The following SFXN3 variants were observed in gnomAD, a reference collection of about 807,000 sequenced individuals.
The protein encoded by SFXN3 is sideroflexin 3, also known as sideroflexin-3.
In SFXN3, 31 loss-of-function variants were observed where a neutral mutation model predicts 40.4. The observed-to-expected ratio is 0.77, with a 90% confidence interval of 0.58 to 1.04. The LOEUF (loss-of-function observed/expected upper bound fraction) is 1.04, where lower values mean the gene tolerates loss of function less well. SFXN3 is among the 50% of genes least tolerant of loss of function. The pLI is 0.00. For synonymous variants in SFXN3, 157 were observed against 160.0 expected (o/e 0.98, Z 0.14); for missense variants, 366 against 408.2 (o/e 0.90, Z 0.89).
intron 3 of SFXN3, 93 bp downstream of exon 3, chr10:101,034,948 T>G: frequency 1.4e-6 from 2 of 1,474,464 alleles, no homozygotes; most frequent in South Asian, 1.3e-5. Context: ...AGCTTGACAG[T>G]GACCCTGTCC....
intron 2 of SFXN3, among the ~76,000 whole-genome samples, chr10:101,033,845 G>A (rs777187386): frequency 3.3e-5 from 5 of 152,058 alleles, no homozygotes; most frequent in Non-Finnish European, 5.9e-5. Flanking sequence ...AAGGTACTAT[G>A]CCTAGATGTG....
chr10:101,032,773 T>C (rs558453366), intron 2 of SFXN3, among the ~76,000 whole-genome samples: 1 of 152,194 alleles, frequency 6.6e-6, no homozygotes, highest in South Asian at 2.1e-4. Flanking sequence ...TGCATGATAG[T>C]GTCTTTGTGT....
chr10:101,034,645 C>A (rs768284573), intron 2 of SFXN3, 47 bp from the exon 3 acceptor site: 23 of 1,601,460 alleles, frequency 1.4e-5, no homozygotes, highest in Non-Finnish European at 2.0e-5. Flanking sequence ...TAGCTGGAGC[C>A]CTTGGACCCT....
At chr10:101,034,349 C>T (rs951239984) in intron 2 of SFXN3, among the ~76,000 whole-genome samples, 6 of 152,206 alleles carry the variant, frequency 3.9e-5, no homozygotes, top group African/African-American at 1.4e-4. Flanking sequence ...TCCCTAGATC[C>T]CTTAAACCTT....
At position 101,036,965 on chromosome 10, in the gene SFXN3, C is replaced by A; in HGVS notation, c.594-111C>A. 4 of 1,532,454 alleles carry A rather than the reference C, an allele frequency of 2.6e-6. No individual in the cohort carries two copies. In the South Asian group the frequency reaches 3.7e-5, roughly 14 times the overall value. The allele number at this position is 1,532,454 out of a possible 1,614,324, so 94.9% of individuals were successfully genotyped here. ...CCCTGGGATCCTCAGGTGGGAGAACCAGCCTTTGAGCCTGGGGTGTGTGAG... is the reference window on the plus strand; with the variant it reads ...CCCTGGGATCCTCAGGTGGGAGAACAAGCCTTTGAGCCTGGGGTGTGTGAG... On this transcript the variant is annotated intron_variant, in intron 7 of 11. Coordinates refer to ENST00000393459, the Ensembl canonical transcript of SFXN3. This position sits in a 1 kb window ranked among gnomAD's most constrained non-coding sequence, Gnocchi z 4.2.
At position 101,039,280 on chromosome 10, in the gene SFXN3, C is replaced by T; in HGVS notation, c.869+58C>T. ...CTGGATTGGACTCTGCATCTCTGGA[C>T]CAGCTGACCTAGGGTCTTCCAGGGT... On this transcript the variant is annotated intron_variant, in intron 11 of 11. Coordinates refer to ENST00000393459, the Ensembl canonical transcript of SFXN3. This position sits in a 1 kb window ranked among gnomAD's most constrained non-coding sequence, Gnocchi z 4.6. 2.0e-6 allele frequency: 3 copies of T among 1,494,836 alleles called. No individual in the cohort carries two copies. Among genetic ancestry groups the T allele is most frequent in the African/African-American group, 1.4e-5 (1 of 72,152 alleles). 92.6% of individuals were successfully genotyped at this position (1,494,836 alleles called of 1,614,324 possible).
Position 101,036,127 on chromosome 10 carries a change from T to C in SFXN3, c.431+26T>C. 1 of 1,576,252 alleles carries C rather than the reference T, an allele frequency of 6.3e-7. No homozygotes were observed. Among genetic ancestry groups the C allele is most frequent in the East Asian group, 2.2e-5 (1 of 44,662 alleles). ...GTGAGAGCCAGCCCCCAGCAGCAGCTGCACTGTCCCATCTGACCCTCTCCT... is the reference window on the plus strand; with the variant it reads ...GTGAGAGCCAGCCCCCAGCAGCAGCCGCACTGTCCCATCTGACCCTCTCCT... On this transcript the variant is annotated intron_variant, in intron 5 of 11. Coordinates refer to ENST00000393459, the Ensembl canonical transcript of SFXN3. The surrounding 1 kb of genome is among the most constrained non-coding windows in gnomAD (Gnocchi z 4.2).
In SFXN3 at chr10:101,034,753, T is replaced by A. The variant is rs1423179321; in HGVS notation, c.59T>A (p.Phe20Tyr). The A allele has an allele frequency of 2.5e-6, 4 of 1,614,166 alleles. No individual in the cohort carries two copies. The Admixed American group carries it at 6.7e-5, about 27-fold the overall frequency. ...GAACCTCGCTGGGACCAAAGTACTT[T>A]CCTGGGCAGAGCCCGGCACTTTTTC... Residue 20 changes from phenylalanine to tyrosine, a missense_variant, in exon 3 of 12, where the codon TTC (phenylalanine) becomes TAC (tyrosine). Coordinates refer to ENST00000393459, the Ensembl canonical transcript of SFXN3.
intron 3 of SFXN3, 31 bp from the exon 4 acceptor site, chr10:101,035,466 T>C (rs1247886893): frequency 2.5e-6 from 4 of 1,576,976 alleles, no homozygotes; most frequent in Non-Finnish European, 3.4e-6. Context: ...CCCCCTGGCA[T>C]AGCCTGTCTG....
chr10:101,036,901 C>A lies in SFXN3; in HGVS notation c.593+93C>A. The A allele has an allele frequency of 1.3e-6, 2 of 1,536,214 alleles. No homozygotes were observed. Among genetic ancestry groups the A allele is most frequent in the South Asian group, 1.2e-5 (1 of 81,412 alleles). On this transcript the variant is annotated intron_variant, in intron 7 of 11. Transcript: ENST00000393459. This position sits in a 1 kb window ranked among gnomAD's most constrained non-coding sequence, Gnocchi z 4.2. ...CCTCAGAATGGGGACATCCCTCTCCCTCCCCAGACATGAGCTGCTGGGCCC... is the reference window on the plus strand; with the variant it reads ...CCTCAGAATGGGGACATCCCTCTCCATCCCCAGACATGAGCTGCTGGGCCC...
intron 2 of SFXN3, among the ~76,000 whole-genome samples, chr10:101,033,413 A>G (rs1017816580): frequency 6.6e-6 from 1 of 152,184 alleles, no homozygotes; most frequent in African/African-American, 2.4e-5. Context: ...ATAGAGCACA[A>G]GGAGATCTGT....
rs1760614913 is a variant in SFXN3 at position 101,036,867 on chromosome 10, C to T, written c.593+59C>T. 20 of 1,588,800 alleles carry T rather than the reference C, an allele frequency of 1.3e-5. No individual in the cohort carries two copies. The highest frequency in any genetic ancestry group is 1.4e-5 in the Non-Finnish European group (16 of 1,161,884). ...CAGAATGTAGCACACTGTCCATCCA[C>T]GCAGACCACCTCAGAATGGGGACAT... On this transcript the variant is annotated intron_variant, in intron 7 of 11. Transcript: ENST00000393459. This position sits in a 1 kb window ranked among gnomAD's most constrained non-coding sequence, Gnocchi z 4.2.
At chr10:101,032,781 T>G (rs1297722420) in intron 2 of SFXN3, among the ~76,000 whole-genome samples, 1 of 152,132 alleles carries the variant, frequency 6.6e-6, no homozygotes, top group Admixed American at 6.5e-5. Context: ...AGTGTCTTTG[T>G]GTGTGGGTAT....
At chr10:101,038,247 GA>G in intron 9 of SFXN3, 1 of 1,121,274 alleles carries the variant, frequency 8.9e-7, no homozygotes, top group Non-Finnish European at 1.1e-6. Flanking sequence ...AGCAAATTGA[GA>G]AGAGTGCCGA....
At position 101,037,211 on chromosome 10, in the gene SFXN3, G is replaced by A. The variant is rs759911382; in HGVS notation, c.721+8G>A. 64 of 1,613,774 alleles carry A rather than the reference G, an allele frequency of 4.0e-5. No individual in the cohort carries two copies. The highest frequency in any genetic ancestry group is 2.7e-4 in the African/African-American group (20 of 74,910). ...TGGCGATTCCTGCCATGGGTAAGGCGGGAGTGGCTGGGTGGGGCATAGGAG... is the reference window on the plus strand; with the variant it reads ...TGGCGATTCCTGCCATGGGTAAGGCAGGAGTGGCTGGGTGGGGCATAGGAG... On this transcript the variant is annotated splice_region_variant and intron_variant, in intron 8 of 11. Coordinates refer to ENST00000393459, the Ensembl canonical transcript of SFXN3.
chr10:101,032,583 C>G, intron 2 of SFXN3, 101 bp downstream of exon 2: 1 of 1,332,374 alleles, frequency 7.5e-7, no homozygotes. Context: ...ATGTCCTCGG[C>G]TCTGTGGAGG....
At position 101,039,917 on chromosome 10, in the gene SFXN3, C is replaced by T. The variant is rs994149030; in HGVS notation, c.*332C>T. On this transcript the variant is annotated 3_prime_UTR_variant, in exon 12 of 12. Coordinates refer to ENST00000393459, the Ensembl canonical transcript of SFXN3. This position sits in a 1 kb window ranked among gnomAD's most constrained non-coding sequence, Gnocchi z 4.6. ...TATGTTCTGACATCTGGCTTCCCTT[C>T]TCAGCCTCATGTCCACCTGCCTGCC... The T allele has an allele frequency of 3.7e-6, 1 of 272,722 alleles. No individual in the cohort carries two copies. Among genetic ancestry groups the T allele is most frequent in the Admixed American group, 4.6e-5 (1 of 21,946 alleles). The allele number at this position is 272,722 out of a possible 1,614,324, so 16.9% of individuals were successfully genotyped here.
chr10:101,036,835 G>T lies in SFXN3; in HGVS notation c.593+27G>T, dbSNP rs1316690024. The T allele has an allele frequency of 1.2e-6, 2 of 1,610,786 alleles. No individual in the cohort carries two copies. Among genetic ancestry groups the T allele is most frequent in the Non-Finnish European group, 1.7e-6 (2 of 1,177,630 alleles). On this transcript the variant is annotated intron_variant, in intron 7 of 11. Coordinates refer to ENST00000393459, the Ensembl canonical transcript of SFXN3. The surrounding 1 kb of genome is among the most constrained non-coding windows in gnomAD (Gnocchi z 4.2). The stretch of plus-strand genomic sequence containing the variant: ...TGAGTGACCCCGGCTCCTGGCATGT[G>T]CATGCCCAGAATGTAGCACACTGTC...
Position 101,036,854 on chromosome 10 carries a change from C to T in SFXN3, c.593+46C>T. 6.2e-7 allele frequency: 1 copy of T among 1,600,052 alleles called. No individual in the cohort carries two copies. The highest frequency in any genetic ancestry group is 8.6e-7 in the Non-Finnish European group (1 of 1,169,128). ...GCATGTGCATGCCCAGAATGTAGCA[C>T]ACTGTCCATCCACGCAGACCACCTC... On this transcript the variant is annotated intron_variant, in intron 7 of 11. Coordinates refer to ENST00000393459, the Ensembl canonical transcript of SFXN3. This position sits in a 1 kb window ranked among gnomAD's most constrained non-coding sequence, Gnocchi z 4.2.
Sources: allele counts gnomAD v4.1 joint callset (sites outside exome capture counted in the v4.1 genomes callset), GRCh38; gene constraint gnomAD v4.1.1; non-coding constraint Gnocchi (gnomAD v3.1); transcripts MANE v1.5; gene names NCBI Gene and HGNC (gene_info 2026-07-23, HGNC 2026-07-21).